Variants in NEURL1 observed in about 807,000 individuals in gnomAD.
NEURL1 encodes the protein E3 ubiquitin-protein ligase NEURL1.
A neutral mutation model predicts 41.2 loss-of-function variants in NEURL1; 26 were observed. The ratio of observed to expected loss-of-function variants is 0.63; its 90% CI spans 0.46 to 0.87. The LOEUF is 0.87. NEURL1 is among the 40% of genes least tolerant of loss of function. The probability of loss-of-function intolerance (pLI) is 0.00; values close to 1 mark genes in which losing one functional copy is unlikely to be tolerated. For synonymous variants in NEURL1, 400 were observed against 402.3 expected (o/e 0.99, Z 0.07); for missense variants, 761 against 871.1 (o/e 0.87, Z 1.59).
chr10:103,538,053 G>T (rs1450633992), intron 1 of NEURL1, among the ~76,000 whole-genome samples: 1 of 152,064 alleles, frequency 6.6e-6, no homozygotes, highest in Admixed American at 6.6e-5. Context: ...TAATTAGTTT[G>T]AGATTCATGC....
At chr10:103,575,760 C>T (rs538687049) in intron 3 of NEURL1, among the ~76,000 whole-genome samples, 5 of 152,354 alleles carry the variant, frequency 3.3e-5, no homozygotes, top group East Asian at 1.9e-4. Flanking sequence ...TTCTTTGGGG[C>T]GCCCTGGCCC....
At chr10:103,515,700 G>A (rs1201499698) in intron 1 of NEURL1, among the ~76,000 whole-genome samples, 1 of 152,210 alleles carries the variant, frequency 6.6e-6, no homozygotes, top group Non-Finnish European at 1.5e-5. Context: ...ACCAGATGAC[G>A]AATGAACTAG....
At chr10:103,585,312 C>T (rs908840109) in intron 4 of NEURL1, 87 bp downstream of exon 4, 36 of 1,181,430 alleles carry the variant, frequency 3.0e-5, no homozygotes, top group Middle Eastern at 2.5e-4. Context: ...GCTCCCCTTC[C>T]TCCAGGCTCA....
At chr10:103,589,274 G>C (rs774536613) in intron 4 of NEURL1, among the ~76,000 whole-genome samples, 1 of 152,230 alleles carries the variant, frequency 6.6e-6, no homozygotes, top group African/African-American at 2.4e-5. Context: ...TGACCCTCCA[G>C]TTCATAGGTG....
chr10:103,499,883 A>T (rs1319127209), intron 1 of NEURL1, among the ~76,000 whole-genome samples: 2 of 152,108 alleles, frequency 1.3e-5, no homozygotes, highest in Non-Finnish European at 2.9e-5. Context: ...ATGCTGCCGG[A>T]GTGATTCTCC....
chr10:103,509,162 G>T (rs995038558), intron 1 of NEURL1, among the ~76,000 whole-genome samples: 1 of 151,560 alleles, frequency 6.6e-6, no homozygotes, highest in Non-Finnish European at 1.5e-5. Flanking sequence ...AACCCAGGAG[G>T]CAGAGGCTGC....
chr10:103,514,353 G>C (rs1038042809), intron 1 of NEURL1, among the ~76,000 whole-genome samples: 2 of 152,134 alleles, frequency 1.3e-5, no homozygotes, highest in East Asian at 3.9e-4. Context: ...GCCTTCCAAA[G>C]GGAGTGTTTC....
At chr10:103,575,805 C>T (rs554854152) in intron 3 of NEURL1, among the ~76,000 whole-genome samples, 1 of 152,378 alleles carries the variant, frequency 6.6e-6, no homozygotes, top group African/African-American at 2.4e-5. Flanking sequence ...ATAACAGCTT[C>T]CTTCCTCCAG....
rs948080174 is a variant in NEURL1, at chr10:103,558,130, G to A, written c.86-12742G>A. On this transcript the variant is annotated intron_variant, in intron 1 of 5. Transcript: ENST00000369780. This position sits in a 1 kb window ranked among gnomAD's most constrained non-coding sequence, Gnocchi z 4.2. Reference sequence around the variant, plus strand: ...CCTGACCTCGTGATCCACCTGTGTCGGCCTCCCAAAGTGCTGGGTTTACAG... The same window carrying A: ...CCTGACCTCGTGATCCACCTGTGTCAGCCTCCCAAAGTGCTGGGTTTACAG... The A allele has an allele frequency of 1.7e-5, 16 of 942,328 alleles. No individual in the cohort carries two copies. Among genetic ancestry groups the A allele is most frequent in the African/African-American group, 3.6e-5 (2 of 56,316 alleles). The allele number at this position is 942,328 out of a possible 1,614,324, so 58.4% of individuals were successfully genotyped here.
intron 1 of NEURL1, among the ~76,000 whole-genome samples, chr10:103,512,594 C>T (rs368916536): frequency 6.6e-6 from 1 of 152,098 alleles, no homozygotes; most frequent in South Asian, 2.1e-4. Context: ...CCCAGGAGTT[C>T]AAGACCAGCC....
intron 3 of NEURL1, among the ~76,000 whole-genome samples, chr10:103,573,139 T>C (rs992130353): frequency 6.6e-6 from 1 of 152,080 alleles, no homozygotes; most frequent in African/African-American, 2.4e-5. Flanking sequence ...CAGGAAGCTG[T>C]TTTTATTAGC....
intron 1 of NEURL1, among the ~76,000 whole-genome samples, chr10:103,530,455 G>A (rs1436546360): frequency 6.6e-6 from 1 of 151,702 alleles, no homozygotes; most frequent in Admixed American, 6.6e-5. Flanking sequence ...TCAGGATCAT[G>A]TTATTTAATT....
intron 1 of NEURL1, among the ~76,000 whole-genome samples, chr10:103,551,323 G>A (rs895412805): frequency 9.2e-6 from 1 of 108,280 alleles, no homozygotes; most frequent in East Asian, 2.3e-4. Flanking sequence ...TTTTTTTTGA[G>A]ATGGAGTCTC....
At chr10:103,565,356 C>T (rs542540326) in intron 1 of NEURL1, among the ~76,000 whole-genome samples, 12 of 152,294 alleles carry the variant, frequency 7.9e-5, no homozygotes, top group South Asian at 4.1e-4. Context: ...CTGCTCAGGC[C>T]GGGCCGGGCC....
intron 1 of NEURL1, among the ~76,000 whole-genome samples, chr10:103,523,689 CATTTGCT>C (rs796287789): frequency 5.4e-4 from 82 of 152,256 alleles, no homozygotes; most frequent in African/African-American, 1.8e-3. Flanking sequence ...TGAATGAGAA[CATTTGCT>C]ATTTATCTTT....
At position 103,545,365 on chromosome 10, in the gene NEURL1, G is replaced by A. The variant is rs1227053290; in HGVS notation, c.86-25507G>A. 2.0e-5 allele frequency among the ~76,000 whole-genome samples: 3 copies of A among 152,230 alleles called. No individual in the cohort carries two copies. The highest frequency in any genetic ancestry group is 7.2e-5 in the African/African-American group (3 of 41,462). ...CTTTAGGGACTAAAAGCCCCTGTTT[G>A]TGGGGCTATGAGATGTGAGGTTGTC... is the stretch of plus-strand genomic sequence containing the variant. On this transcript the variant is annotated intron_variant, in intron 1 of 5. Transcript: ENST00000369780. The surrounding 1 kb of genome is among the most constrained non-coding windows in gnomAD (Gnocchi z 4.5).
At position 103,570,855 on chromosome 10, in the gene NEURL1, G is replaced by A; in HGVS notation, c.86-17G>A. On this transcript the variant is annotated splice_polypyrimidine_tract_variant and intron_variant, in intron 1 of 5. Coordinates refer to ENST00000369780, the MANE Select transcript of NEURL1 (RefSeq NM_004210.5). ...GACCCGCCAAGTTCTCTGACACCGT[G>A]GCCTGTTCCTTTGCAGACTCTATCG... 2 of 1,607,852 alleles carry A rather than the reference G, an allele frequency of 1.2e-6. No individual in the cohort carries two copies. The highest frequency in any genetic ancestry group is 8.5e-7 in the Non-Finnish European group (1 of 1,175,968).
Position 103,566,870 on chromosome 10 carries a change from T to C in NEURL1, c.86-4002T>C, listed in dbSNP as rs1225382218. Among the ~76,000 whole-genome samples, 7 of 152,232 alleles carry C rather than the reference T, an allele frequency of 4.6e-5. No homozygotes were observed. The highest frequency in any genetic ancestry group is 5.9e-5 in the Non-Finnish European group (4 of 68,048). On this transcript the variant is annotated intron_variant, in intron 1 of 5. Coordinates refer to ENST00000369780, the MANE Select transcript of NEURL1 (RefSeq NM_004210.5). This position sits in a 1 kb window ranked among gnomAD's most constrained non-coding sequence, Gnocchi z 4.2. ...TTTCTGTGTTTTGGTGGCATACATATACATATATGTATCATAGAGACAACA... is the reference window on the plus strand; with the variant it reads ...TTTCTGTGTTTTGGTGGCATACATACACATATATGTATCATAGAGACAACA...
At chr10:103,554,605 T>C (rs1347368503) in intron 1 of NEURL1, among the ~76,000 whole-genome samples, 1 of 152,220 alleles carries the variant, frequency 6.6e-6, no homozygotes, top group African/African-American at 2.4e-5. Context: ...CTCAGTTTTC[T>C]CATCTGTAAG....
Sources: allele counts gnomAD v4.1 joint callset (sites outside exome capture counted in the v4.1 genomes callset), GRCh38; gene constraint gnomAD v4.1.1; non-coding constraint Gnocchi (gnomAD v3.1); transcripts MANE v1.5; gene names NCBI Gene and HGNC (gene_info 2026-07-23, HGNC 2026-07-21).